Variants in RAP1GDS1 observed in about 807,000 individuals in gnomAD.
RAP1GDS1 encodes RAP1, GTP-GDP dissociation stimulator 1.
In RAP1GDS1, 35 loss-of-function variants were observed where a neutral mutation model predicts 71.1. The observed-to-expected ratio is 0.49, with a 90% confidence interval of 0.38 to 0.65. The LOEUF (loss-of-function observed/expected upper bound fraction) is 0.65, where lower values mean the gene tolerates loss of function less well. Ranked by LOEUF, RAP1GDS1 falls within the 30% of genes least tolerant of loss-of-function variation. The pLI, the probability that RAP1GDS1 is intolerant of heterozygous loss-of-function variation, is 0.00. For synonymous variants in RAP1GDS1, 229 were observed against 243.1 expected (o/e 0.94, Z 0.54); for missense variants, 663 against 706.1 (o/e 0.94, Z 0.69).
chr4:98,297,411 A>G (rs560792845), intron 2 of RAP1GDS1, among the ~76,000 whole-genome samples: 1 of 152,296 alleles, frequency 6.6e-6, no homozygotes, highest in South Asian at 2.1e-4. Flanking sequence ...GTTTATGGCA[A>G]CCCTAAGTTG....
At chr4:98,265,414 C>T (rs1277674147) in intron 1 of RAP1GDS1, among the ~76,000 whole-genome samples, 3 of 152,086 alleles carry the variant, frequency 2.0e-5, no homozygotes, top group East Asian at 1.9e-4. Context: ...ATAACAAGGA[C>T]GTTGTCATAT....
chr4:98,378,702 T>C (rs1051160459), intron 4 of RAP1GDS1, among the ~76,000 whole-genome samples: 6 of 151,914 alleles, frequency 3.9e-5, no homozygotes, highest in East Asian at 1.9e-4. Context: ...CACAGCATTG[T>C]CATTTGTGAA....
At chr4:98,437,093 G>T (rs1215405550) in intron 14 of RAP1GDS1, 25 bp downstream of exon 14, 1 of 1,559,458 alleles carries the variant, frequency 6.4e-7, no homozygotes. Flanking sequence ...ATCATTTGAT[G>T]TCCATAAACA....
At chr4:98,423,520 T>C (rs532245489) in intron 12 of RAP1GDS1, among the ~76,000 whole-genome samples, 1 of 152,148 alleles carries the variant, frequency 6.6e-6, no homozygotes, top group African/African-American at 2.4e-5. Flanking sequence ...GGTTTTTTTG[T>C]TTTCTTTATT....
chr4:98,376,656 T>TA, intron 4 of RAP1GDS1, among the ~76,000 whole-genome samples: 1 of 152,214 alleles, frequency 6.6e-6, no homozygotes, highest in South Asian at 2.1e-4. Context: ...AAAAGCTGTA[T>TA]AATCAATCAT....
intron 3 of RAP1GDS1, among the ~76,000 whole-genome samples, chr4:98,350,483 G>A (rs1009903463): frequency 2.0e-5 from 3 of 151,960 alleles, no homozygotes; most frequent in African/African-American, 4.8e-5. Context: ...ACAATGGGAG[G>A]ATCACTTGAG....
chr4:98,437,708 G>A (rs759437896), intron 14 of RAP1GDS1, among the ~76,000 whole-genome samples: 7 of 151,540 alleles, frequency 4.6e-5, no homozygotes, highest in Non-Finnish European at 8.8e-5. Context: ...CAAGACAATC[G>A]CTTGAACCTG....
intron 2 of RAP1GDS1, among the ~76,000 whole-genome samples, chr4:98,326,792 A>G (rs981374086): frequency 7.2e-5 from 11 of 152,108 alleles, no homozygotes; most frequent in African/African-American, 2.7e-4. Flanking sequence ...AGTTTTAGTC[A>G]TGTGAGCCAT....
At chr4:98,347,466 C>A (rs1736455996) in intron 3 of RAP1GDS1, among the ~76,000 whole-genome samples, 1 of 152,076 alleles carries the variant, frequency 6.6e-6, no homozygotes, top group Non-Finnish European at 1.5e-5. Flanking sequence ...TAGAGCAGTA[C>A]CTATTCCTTA....
intron 1 of RAP1GDS1, among the ~76,000 whole-genome samples, chr4:98,292,576 AAAAAAC>A (rs201805247): frequency 1.4e-5 from 2 of 147,148 alleles, no homozygotes; most frequent in African/African-American, 5.3e-5. Context: ...AAAGAAAAAA[AAAAAAC>A]AATGCTATTC....
intron 4 of RAP1GDS1, among the ~76,000 whole-genome samples, chr4:98,376,089 A>T (rs1369832382): frequency 6.6e-6 from 1 of 152,124 alleles, no homozygotes; most frequent in Non-Finnish European, 1.5e-5. Context: ...GTGAAGAATG[A>T]TCATACTTGT....
chr4:98,281,437 G>A (rs1560766692), intron 1 of RAP1GDS1, among the ~76,000 whole-genome samples: 1 of 152,158 alleles, frequency 6.6e-6, no homozygotes, highest in Non-Finnish European at 1.5e-5. Flanking sequence ...AGGAATGCTT[G>A]TGATTTTTGC....
chr4:98,343,248 A>C lies in RAP1GDS1; in HGVS notation c.222A>C (p.Glu74Asp). 6.2e-7 allele frequency: 1 copy of C among 1,604,774 alleles called. No homozygotes were observed. The highest frequency in any genetic ancestry group is 8.5e-7 in the Non-Finnish European group (1 of 1,171,532). The stretch of plus-strand genomic sequence containing the variant: ...CCAAAGTAGCTAACATCATAGCAGA[A>C]GTAGCCAAAAATGGTGAGGTTTACC... ...CKAKVANIIA[E>D]VAKNEFMRIP... Residue 74 changes from glutamate (E) to aspartate (D), a missense_variant, in exon 3 of 15, where the codon GAA (glutamate) becomes GAC (aspartate). Physicochemically the swap from Glu to Asp is conservative, Grantham distance 45. Coordinates refer to ENST00000408927, the MANE Select transcript of RAP1GDS1 (RefSeq NM_001100427.2).
chr4:98,384,705 T>C (rs1742483885), intron 5 of RAP1GDS1, among the ~76,000 whole-genome samples: 1 of 151,660 alleles, frequency 6.6e-6, no homozygotes, highest in African/African-American at 2.4e-5. Flanking sequence ...AGTATTGGCA[T>C]TTATATTCAG....
chr4:98,313,676 C>T (rs570530669), intron 2 of RAP1GDS1, among the ~76,000 whole-genome samples: 6 of 152,018 alleles, frequency 3.9e-5, no homozygotes, highest in South Asian at 2.1e-4. Context: ...GAGACCTCAT[C>T]GCCACAAAAA....
intron 2 of RAP1GDS1, among the ~76,000 whole-genome samples, chr4:98,332,801 C>G (rs369001873): frequency 1.3e-5 from 2 of 152,098 alleles, no homozygotes; most frequent in East Asian, 3.9e-4. Context: ...ACACAGGGGA[C>G]CAAATTTTTA....
At chr4:98,363,201 A>G (rs532403749) in intron 4 of RAP1GDS1, among the ~76,000 whole-genome samples, 14 of 152,166 alleles carry the variant, frequency 9.2e-5, no homozygotes, top group Admixed American at 5.9e-4. Context: ...GAAGTAGAGT[A>G]ATTGAGCTAA....
intron 8 of RAP1GDS1, 102 bp downstream of exon 8, chr4:98,416,990 T>C (rs1748130709): frequency 1.6e-6 from 2 of 1,284,218 alleles, no homozygotes; most frequent in African/African-American, 3.0e-5. Context: ...CTCATATTCC[T>C]ATCTCACCTG....
intron 1 of RAP1GDS1, among the ~76,000 whole-genome samples, chr4:98,290,475 A>T (rs1365508087): frequency 1.3e-5 from 2 of 152,128 alleles, no homozygotes; most frequent in African/African-American, 4.8e-5. Context: ...TCTTAGATTG[A>T]TGTTAAGAAA....
Sources: allele counts gnomAD v4.1 joint callset (sites outside exome capture counted in the v4.1 genomes callset), GRCh38; gene constraint gnomAD v4.1.1; transcripts MANE v1.5; gene names NCBI Gene and HGNC (gene_info 2026-07-23, HGNC 2026-07-21).